Variants in TG observed in about 807,000 individuals in gnomAD.
TG encodes thyroglobulin, also known as thyroid hormones.
Under a neutral mutation model 324.7 loss-of-function variants are expected in TG, and 270 were observed. The ratio of observed to expected loss-of-function variants is 0.83; its 90% CI spans 0.75 to 0.92. TG has a LOEUF of 0.92. Among genes scored for constraint, TG ranks in the 40% least tolerant of loss-of-function variants. The pLI is 0.00. For synonymous variants in TG, 1,401 were observed against 1,327.0 expected, an observed-to-expected ratio of 1.06 and a Z score of -1.21; for missense variants, 3,591 against 3,456.4, an observed-to-expected ratio of 1.04 and a Z score of -0.98.
At chr8:133,059,275 C>G in intron 41 of TG, 1 of 375,614 alleles carries the variant, frequency 2.7e-6, no homozygotes, top group Non-Finnish European at 5.3e-6. Context: ...CCCTGGCTTC[C>G]CTAACCGTCC....
chr8:133,095,065 G>A lies in TG; in HGVS notation c.7261G>A (p.Ala2421Thr). ...VLMGGSALSP[A>T]AVISHERAQQ... is the part of the protein sequence containing the mutation. ...CCAGGGAGGCTCCGCACTCTCCCCG[G>A]CCGCCGTCATCAGCCATGAGAGGGC... Residue 2421 changes from alanine to threonine, a missense_variant, in exon 42 of 48, where the codon GCC (alanine) becomes ACC (threonine). By Grantham distance (58) the Ala-to-Thr change is moderately conservative (BLOSUM62 0). Transcript: ENST00000220616. 2 of 1,613,838 alleles carry A rather than the reference G, an allele frequency of 1.2e-6. No homozygotes were observed. Among genetic ancestry groups the A allele is most frequent in the East Asian group, 4.5e-5 (2 of 44,860 alleles).
intron 21 of TG, among the ~76,000 whole-genome samples, chr8:132,922,362 G>A (rs1432864909): frequency 6.6e-6 from 1 of 152,174 alleles, no homozygotes; most frequent in Non-Finnish European, 1.5e-5. Flanking sequence ...TGTTTTGTGG[G>A]TCAGACACTG....
At chr8:133,032,173 C>T (rs1351778599) in intron 41 of TG, among the ~76,000 whole-genome samples, 2 of 152,140 alleles carry the variant, frequency 1.3e-5, no homozygotes, top group East Asian at 3.9e-4. Flanking sequence ...GCTCTCGGGG[C>T]CCCAGGACCC....
chr8:132,892,901 ATG>A (rs1044583478), intron 10 of TG, among the ~76,000 whole-genome samples: 3 of 126,988 alleles, frequency 2.4e-5, no homozygotes, highest in East Asian at 4.9e-4. Flanking sequence ...GCCTGTGTGC[ATG>A]TGTGTGTGGT....
chr8:133,062,582 A>G (rs1027080575), intron 41 of TG, among the ~76,000 whole-genome samples: 5 of 152,248 alleles, frequency 3.3e-5, no homozygotes, highest in African/African-American at 9.6e-5. Context: ...GAGGCAAACC[A>G]GGCCTCCCTG....
intron 9 of TG, 63 bp from the exon 10 acceptor site, chr8:132,887,921 T>C: frequency 2.0e-6 from 3 of 1,469,498 alleles, no homozygotes; most frequent in Non-Finnish European, 2.8e-6. Context: ...AGTGGTTTTA[T>C]CTTGGTCTTT....
chr8:132,941,594 G>A, intron 26 of TG, 52 bp downstream of exon 26: 1 of 1,607,346 alleles, frequency 6.2e-7, no homozygotes, highest in South Asian at 1.1e-5. Flanking sequence ...GAGCACACAG[G>A]GATGCAGAAG....
chr8:132,873,571 G>T (rs532054007), intron 5 of TG, among the ~76,000 whole-genome samples: 5 of 152,238 alleles, frequency 3.3e-5, no homozygotes, highest in East Asian at 3.9e-4. Context: ...ATGTGAATCT[G>T]CCATAAATAT....
chr8:133,082,031 A>G (rs747354989), intron 41 of TG, among the ~76,000 whole-genome samples: 4 of 152,188 alleles, frequency 2.6e-5, no homozygotes, highest in Non-Finnish European at 5.9e-5. Context: ...TTTAGAGTCT[A>G]TCTTCTGCAA....
intron 41 of TG, among the ~76,000 whole-genome samples, chr8:133,074,337 T>C (rs143436384): frequency 6.6e-6 from 1 of 152,286 alleles, no homozygotes; most frequent in Non-Finnish European, 1.5e-5. Flanking sequence ...CATGCACCTT[T>C]AGACATCATG....
At chr8:132,877,329 G>A (rs550307507) in intron 5 of TG, among the ~76,000 whole-genome samples, 10 of 152,030 alleles carry the variant, frequency 6.6e-5, no homozygotes, top group Admixed American at 4.6e-4. Flanking sequence ...TACTGGAGAC[G>A]GGGTTCACTA....
chr8:133,052,172 A>C (rs1175834101), intron 41 of TG, among the ~76,000 whole-genome samples: 5 of 152,246 alleles, frequency 3.3e-5, no homozygotes, highest in African/African-American at 1.2e-4. Flanking sequence ...TCCGAGTCAT[A>C]AGCCTCTTGG....
At chr8:132,956,761 G>A (rs952177606) in intron 27 of TG, among the ~76,000 whole-genome samples, 4 of 152,104 alleles carry the variant, frequency 2.6e-5, no homozygotes, top group Non-Finnish European at 5.9e-5. Context: ...ATGAGTACCT[G>A]GGGGCTATGT....
chr8:132,989,542 G>A (rs2130752614), intron 35 of TG, among the ~76,000 whole-genome samples: 1 of 152,288 alleles, frequency 6.6e-6, no homozygotes, highest in South Asian at 2.1e-4. Context: ...CAGCTTTCCA[G>A]CACCTCTCTC....
At chr8:133,013,039 G>A (rs952017992) in intron 36 of TG, among the ~76,000 whole-genome samples, 6 of 152,238 alleles carry the variant, frequency 3.9e-5, no homozygotes, top group Non-Finnish European at 8.8e-5. Flanking sequence ...GGAGTATGGA[G>A]AGCCTTGTTT....
At chr8:133,068,031 G>A (rs1412295399) in intron 41 of TG, among the ~76,000 whole-genome samples, 1 of 152,130 alleles carries the variant, frequency 6.6e-6, no homozygotes, top group Non-Finnish European at 1.5e-5. Flanking sequence ...TGGGGCTGGG[G>A]GCTCAGCTCA....
At chr8:132,945,705 G>A (rs75351842) in intron 26 of TG, among the ~76,000 whole-genome samples, 2,575 of 152,240 alleles carry the variant, frequency 0.017, 71 homozygotes, top group African/African-American at 0.055. Flanking sequence ...ATAACAGGTA[G>A]AGAATATGCA....
chr8:132,928,467 C>G (rs1822210879), intron 22 of TG, among the ~76,000 whole-genome samples: 1 of 152,110 alleles, frequency 6.6e-6, no homozygotes, highest in African/African-American at 2.4e-5. Flanking sequence ...ACTCTCATAG[C>G]CCTGAGAAAT....
rs73708884 is a variant in TG, at chr8:133,131,725, A to G, written c.7863-87A>G. 6.4e-3 allele frequency: 10,062 copies of G among 1,576,994 alleles called. 527 individuals carry two copies. In the African/African-American group the frequency reaches 0.12, roughly 19 times the overall value. On this transcript the variant is annotated intron_variant, in intron 45 of 47. Coordinates refer to ENST00000220616, the MANE Select transcript of TG (RefSeq NM_003235.5). ...AAAGAAGGGAAAGTCTTGGTTTTGG[A>G]AGAAATATTTTTGTTTGTGTGTTTG...
Sources: allele counts gnomAD v4.1 joint callset (sites outside exome capture counted in the v4.1 genomes callset), GRCh38; gene constraint gnomAD v4.1.1; transcripts MANE v1.5; gene names NCBI Gene and HGNC (gene_info 2026-07-23, HGNC 2026-07-21).